STYXL1: variants seen among roughly 807,000 people sequenced by gnomAD.
The protein encoded by STYXL1 is serine/threonine/tyrosine-interacting-like protein 1.
Under a neutral mutation model 36.4 loss-of-function variants are expected in STYXL1, and 32 were observed. The ratio of observed to expected loss-of-function variants is 0.88; its 90% CI spans 0.66 to 1.18. STYXL1 has a LOEUF of 1.18. STYXL1 is among the 50% of genes most tolerant of loss of function. The probability of loss-of-function intolerance (pLI) is 0.00; values close to 1 mark genes in which losing one functional copy is unlikely to be tolerated. For synonymous variants in STYXL1, 133 were observed against 144.1 expected (o/e 0.92, Z 0.55); for missense variants, 354 against 394.1 (o/e 0.90, Z 0.86).
At chr7:76,037,312 A>AG (rs1257408483) in intron 1 of STYXL1, among the ~76,000 whole-genome samples, 1 of 150,368 alleles carries the variant, frequency 6.7e-6, no homozygotes, top group East Asian at 1.9e-4. Context: ...TACACCCACC[A>AG]GGGGGAAGGT....
chr7:76,038,222 G>A (rs1554581165), intron 1 of STYXL1, among the ~76,000 whole-genome samples: 2 of 148,752 alleles, frequency 1.3e-5, no homozygotes, highest in South Asian at 2.2e-4. Flanking sequence ...ACCTAGCTAA[G>A]TTTTTATTTT....
chr7:76,041,490 A>G (rs1174769838), intron 1 of STYXL1, among the ~76,000 whole-genome samples: 1 of 152,176 alleles, frequency 6.6e-6, no homozygotes, highest in African/African-American at 2.4e-5. Context: ...ATTAAGATGG[A>G]TGAATGTCTT....
intron 4 of STYXL1, among the ~76,000 whole-genome samples, chr7:76,016,513 A>G: frequency 6.6e-6 from 1 of 152,074 alleles, no homozygotes; most frequent in Non-Finnish European, 1.5e-5. Context: ...ACACATATAT[A>G]TATCTCCTAT....
chr7:76,012,433 A>G (rs1290098110), intron 5 of STYXL1, among the ~76,000 whole-genome samples: 1 of 152,034 alleles, frequency 6.6e-6, no homozygotes, highest in Admixed American at 6.6e-5. Context: ...TCACTCTGTC[A>G]CACAGGCTGG....
At chr7:76,023,473 C>T (rs995493404) in intron 3 of STYXL1, among the ~76,000 whole-genome samples, 15 of 152,212 alleles carry the variant, frequency 9.9e-5, no homozygotes, top group African/African-American at 3.1e-4. Context: ...AAATGATCTT[C>T]GCACTTCAGC....
At chr7:76,012,625 G>T (rs1792691939) in intron 5 of STYXL1, among the ~76,000 whole-genome samples, 1 of 152,164 alleles carries the variant, frequency 6.6e-6, no homozygotes, top group African/African-American at 2.4e-5. Context: ...AAACTCCTGA[G>T]CTCAAGTGAT....
chr7:76,047,996 G>T lies in STYXL1; in HGVS notation c.-339C>A. 1 of 1,496,516 alleles carries T rather than the reference G, an allele frequency of 6.7e-7. No homozygotes were observed. The highest frequency in any genetic ancestry group is 8.9e-7 in the Non-Finnish European group (1 of 1,123,898). The allele number at this position is 1,496,516 out of a possible 1,614,324, so 92.7% of individuals were successfully genotyped here. A position where few individuals can be genotyped will look rare whatever the true frequency, so the allele number is the denominator to read the frequency against. On this transcript the variant is annotated 5_prime_UTR_variant, in exon 1 of 9. Transcript: ENST00000359697. The stretch of plus-strand genomic sequence containing the variant: ...CCACAGCTTTCCTTTCCGACTCCCG[G>T]AAGTGGCCGTGATCTCACGAGATCC...
intron 3 of STYXL1, among the ~76,000 whole-genome samples, chr7:76,022,510 T>C (rs1353739005): frequency 7.1e-6 from 1 of 141,260 alleles, no homozygotes. Flanking sequence ...AAAAAAAAAA[T>C]ACAAAAATGC....
chr7:76,027,772 C>T (rs1237007291), intron 3 of STYXL1, among the ~76,000 whole-genome samples: 1 of 152,082 alleles, frequency 6.6e-6, no homozygotes, highest in Non-Finnish European at 1.5e-5. Context: ...TGTTGTATCC[C>T]CAGGGTCTGG....
chr7:76,033,019 G>A (rs918430417), intron 1 of STYXL1, among the ~76,000 whole-genome samples: 1 of 152,184 alleles, frequency 6.6e-6, no homozygotes, highest in Non-Finnish European at 1.5e-5. Flanking sequence ...GTTGGGTGGA[G>A]AATCACTGAT....
At chr7:75,998,010 A>G (rs903346352) in intron 8 of STYXL1, among the ~76,000 whole-genome samples, 2 of 152,216 alleles carry the variant, frequency 1.3e-5, no homozygotes, top group Admixed American at 1.3e-4. Flanking sequence ...TAAGATGCCA[A>G]TACAACTCAA....
intron 7 of STYXL1, among the ~76,000 whole-genome samples, chr7:76,002,208 C>A (rs1292681337): frequency 4.6e-5 from 7 of 152,172 alleles, no homozygotes; most frequent in Non-Finnish European, 8.8e-5. Flanking sequence ...TCACAGTATA[C>A]TACCTACTTC....
At chr7:76,006,538 C>A (rs189155087) in intron 5 of STYXL1, among the ~76,000 whole-genome samples, 2 of 151,864 alleles carry the variant, frequency 1.3e-5, no homozygotes, top group African/African-American at 4.8e-5. Context: ...CTGAGGTGGG[C>A]GGATCACGAG....
intron 1 of STYXL1, among the ~76,000 whole-genome samples, chr7:76,039,689 T>G (rs576279859): frequency 6.6e-6 from 1 of 152,228 alleles, no homozygotes; most frequent in East Asian, 1.9e-4. Flanking sequence ...TCTCTGTTGC[T>G]GAGGCTGGGG....
Position 76,035,923 on chromosome 7 carries a change from C to T in STYXL1, c.-4-5396G>A, listed in dbSNP as rs566437768. Among the ~76,000 whole-genome samples the T allele has an allele frequency of 1.8e-4, 27 of 149,844 alleles. 1 individual carries two copies. The highest frequency in any genetic ancestry group is 3.6e-4 in the Non-Finnish European group (24 of 67,062). ...CTACCTGGTCAAGCAGGAACTGCCC[C>T]TCATCCACTGGTAAAGTGCTGGAAG... On this transcript the variant is annotated intron_variant, in intron 1 of 8. Transcript: ENST00000359697.
chr7:76,033,886 A>C (rs1554580122), intron 1 of STYXL1, among the ~76,000 whole-genome samples: 2 of 152,114 alleles, frequency 1.3e-5, no homozygotes, highest in Non-Finnish European at 2.9e-5. Context: ...TCTGCGATTC[A>C]CTATCAGCTG....
Position 76,034,180 on chromosome 7 carries a change from G to A in STYXL1, c.-4-3653C>T, listed in dbSNP as rs570126254. Among the ~76,000 whole-genome samples, 33 of 152,276 alleles carry A rather than the reference G, an allele frequency of 2.2e-4. 1 individual carries two copies. The highest frequency in any genetic ancestry group is 3.4e-3 in the Middle Eastern group (1 of 294). On this transcript the variant is annotated intron_variant, in intron 1 of 8. Coordinates refer to ENST00000359697, the MANE Select transcript of STYXL1 (RefSeq NM_001317785.2). ...TGCAGTGGCACTATCATAGCTTGCT[G>A]CAGCCTCAACCTCCTGGGCTCAAGT...
Position 75,996,379 on chromosome 7 carries a change from C to T in STYXL1, c.*89G>A. On this transcript the variant is annotated 3_prime_UTR_variant, in exon 9 of 9. Transcript: ENST00000359697. ...GCAGCAAAGGCCTTCTCCTTCCAGA[C>T]AAGCCTGGGTATACACACTCTGGCC... is the stretch of plus-strand genomic sequence containing the variant. 6.2e-7 allele frequency: 1 copy of T among 1,611,060 alleles called. No individual in the cohort carries two copies.
Position 76,000,949 on chromosome 7 carries a change from T to C in STYXL1, c.751A>G (p.Ser251Gly). Residue 251 changes from serine to glycine, a missense_variant, in exon 8 of 9, where the codon AGC (serine) becomes GGC (glycine). By Grantham distance (56) the Ser-to-Gly change is moderately conservative (BLOSUM62 0). Coordinates refer to ENST00000359697, the MANE Select transcript of STYXL1 (RefSeq NM_001317785.2). Reference protein sequence around the residue: ...VILIFSTQGISRSCAAIIAYL... With the variant: ...VILIFSTQGIGRSCAAIIAYL... ...GCTATGATGGCGGCACAACTGCGGC[T>C]GATACCTTGGGTGGAAAAGATCAGA... The C allele has an allele frequency of 6.2e-7, 1 of 1,614,168 alleles. No homozygotes were observed. The highest frequency in any genetic ancestry group is 8.5e-7 in the Non-Finnish European group (1 of 1,180,010).
Sources: gnomAD v4.1 joint callset for allele counts (sites outside exome capture counted in the v4.1 genomes callset) on GRCh38, gnomAD v4.1.1 for gene constraint, MANE v1.5 for transcripts, NCBI Gene and HGNC (gene_info 2026-07-23, HGNC 2026-07-21) for gene names.